EPHB1: variants seen among roughly 807,000 people sequenced by gnomAD.
The protein encoded by EPHB1 is ephrin type-B receptor 1.
In EPHB1, 30 loss-of-function variants were observed where a neutral mutation model predicts 94.4. That is an observed-to-expected ratio of 0.32 (90% CI 0.24 to 0.43). The LOEUF is 0.43. EPHB1 is among the 20% of genes least tolerant of loss of function. EPHB1 has a pLI of 1.00. For missense variants in EPHB1, 1,055 were observed against 1,308.3 expected, an observed-to-expected ratio of 0.81 and a Z score of 2.99; for synonymous variants, 522 against 489.1, an observed-to-expected ratio of 1.07 and a Z score of -0.89.
chr3:134,952,351 CTT>C (rs1491215288), intron 3 of EPHB1, among the ~76,000 whole-genome samples: 3 of 143,706 alleles, frequency 2.1e-5, no homozygotes, highest in Non-Finnish European at 4.5e-5. Flanking sequence ...ATCTCTCTCT[CTT>C]CTCTCTCTCT....
intron 2 of EPHB1, among the ~76,000 whole-genome samples, chr3:134,946,444 C>G (rs1035660155): frequency 6.6e-6 from 1 of 152,196 alleles, no homozygotes; most frequent in Non-Finnish European, 1.5e-5. Flanking sequence ...ATCATGAGGC[C>G]TTTGTACCTG....
At chr3:135,069,173 T>G (rs114005953) in intron 3 of EPHB1, among the ~76,000 whole-genome samples, 2,023 of 151,806 alleles carry the variant, frequency 0.013, 20 homozygotes, top group Non-Finnish European at 0.02. Flanking sequence ...TTTTAAATTT[T>G]TTTTATAGTT....
intron 1 of EPHB1, among the ~76,000 whole-genome samples, chr3:134,882,791 T>TTTCTTTCTTTCTTTCTTTCTTTC (rs2037776990): frequency 1.4e-5 from 1 of 71,452 alleles, no homozygotes; most frequent in African/African-American, 4.6e-5. Flanking sequence ...TCTTTCTTTC[T>TTTCTTTCTTTCTTTCTTTCTTTC]TTCTTTCTTT....
chr3:135,190,622 CATTTT>C (rs1942431026), intron 10 of EPHB1, among the ~76,000 whole-genome samples: 1 of 151,972 alleles, frequency 6.6e-6, no homozygotes, highest in South Asian at 2.1e-4. Flanking sequence ...AAATTTTACT[CATTTT>C]AATTACTAAA....
chr3:135,131,742 G>T (rs1940426322), intron 4 of EPHB1, among the ~76,000 whole-genome samples: 1 of 152,190 alleles, frequency 6.6e-6, no homozygotes. Context: ...TTGCCAGATT[G>T]TGAAAAGTAG....
At chr3:135,039,703 G>GGGCT (rs968897834) in intron 3 of EPHB1, among the ~76,000 whole-genome samples, 18 of 152,248 alleles carry the variant, frequency 1.2e-4, no homozygotes, top group African/African-American at 4.3e-4. Flanking sequence ...GGGGCCAGCA[G>GGGCT]GGCTGGCTGG....
chr3:134,939,953 G>A (rs532043310), intron 2 of EPHB1, among the ~76,000 whole-genome samples: 5 of 152,340 alleles, frequency 3.3e-5, no homozygotes, highest in Admixed American at 3.3e-4. Context: ...TGTAAGATGT[G>A]TCCAATTTTG....
At chr3:135,196,995 G>A (rs190324998) in intron 11 of EPHB1, among the ~76,000 whole-genome samples, 25 of 151,836 alleles carry the variant, frequency 1.6e-4, no homozygotes, top group East Asian at 1.2e-3. Flanking sequence ...GGTGGCTCAC[G>A]CCTGTAATCC....
chr3:134,825,555 A>G (rs373706069), intron 1 of EPHB1, among the ~76,000 whole-genome samples: 3 of 152,170 alleles, frequency 2.0e-5, no homozygotes, highest in Admixed American at 6.5e-5. Flanking sequence ...TGAATTCACC[A>G]GTTTGTACTT....
At chr3:135,067,444 C>G (rs1937595462) in intron 3 of EPHB1, 1 of 152,172 alleles carries the variant, frequency 6.6e-6, no homozygotes, top group African/African-American at 2.4e-5. Flanking sequence ...GCTGCCTCTG[C>G]TGAGTCATGC....
intron 12 of EPHB1, among the ~76,000 whole-genome samples, chr3:135,232,533 T>C (rs986204614): frequency 6.6e-6 from 1 of 152,262 alleles, no homozygotes; most frequent in Non-Finnish European, 1.5e-5. Flanking sequence ...TGACATACAA[T>C]GTAAACTTTA....
intron 11 of EPHB1, among the ~76,000 whole-genome samples, chr3:135,200,831 T>C (rs148721071): frequency 2.0e-4 from 31 of 152,212 alleles, no homozygotes; most frequent in Non-Finnish European, 3.2e-4. Context: ...TCTAAGAAAG[T>C]GACATTTAAG....
chr3:135,193,126 T>C (rs1249752836), intron 11 of EPHB1, among the ~76,000 whole-genome samples: 2 of 152,220 alleles, frequency 1.3e-5, no homozygotes, highest in Admixed American at 6.5e-5. Flanking sequence ...GAAGAGACTT[T>C]TGGCTGCTGC....
At chr3:135,051,047 C>T (rs551090739) in intron 3 of EPHB1, among the ~76,000 whole-genome samples, 50 of 152,196 alleles carry the variant, frequency 3.3e-4, no homozygotes, top group Middle Eastern at 3.4e-3. Flanking sequence ...CCTAAACCTC[C>T]TTTTTTAAAA....
At chr3:135,239,089 G>T (rs966982294) in intron 12 of EPHB1, among the ~76,000 whole-genome samples, 1 of 152,176 alleles carries the variant, frequency 6.6e-6, no homozygotes, top group Non-Finnish European at 1.5e-5. Context: ...TGCCCTCCAG[G>T]CATTTGTCGT....
chr3:134,872,260 G>C (rs1054620316), intron 1 of EPHB1, among the ~76,000 whole-genome samples: 7 of 152,182 alleles, frequency 4.6e-5, no homozygotes, highest in African/African-American at 1.7e-4. Flanking sequence ...GGGTCTCCAG[G>C]ATATCTCATA....
chr3:134,944,078 A>G (rs11711459), intron 2 of EPHB1, among the ~76,000 whole-genome samples: 12,812 of 152,194 alleles, frequency 0.084, 1,037 homozygotes, highest in African/African-American at 0.21. Flanking sequence ...GAACATTTTT[A>G]TCACTCCTAA....
chr3:134,837,121 C>A (rs2036685681), intron 1 of EPHB1, among the ~76,000 whole-genome samples: 1 of 152,128 alleles, frequency 6.6e-6, no homozygotes, highest in South Asian at 2.1e-4. Context: ...CCAAGATGTC[C>A]CCTGCAGTTA....
intron 9 of EPHB1, among the ~76,000 whole-genome samples, chr3:135,174,035 G>A (rs141165302): frequency 6.8e-4 from 104 of 152,234 alleles, no homozygotes; most frequent in African/African-American, 2.1e-3. Flanking sequence ...GCAGTACTCC[G>A]GTTGAAAACT....
Sources: allele counts gnomAD v4.1 joint callset (sites outside exome capture counted in the v4.1 genomes callset), GRCh38; gene constraint gnomAD v4.1.1; transcripts MANE v1.5; gene names NCBI Gene and HGNC (gene_info 2026-07-23, HGNC 2026-07-21).